Variants in CFDP1 observed in about 807,000 individuals in gnomAD.
CFDP1 encodes the protein chromatin remodeling protein CFDP1, also known as heterochromatin-stabilizing protein CFDP1.
CFDP1 carries 31 observed loss-of-function variants against 40.1 expected under a neutral mutation model. The ratio of observed to expected loss-of-function variants is 0.77; its 90% CI spans 0.58 to 1.04. The LOEUF is 1.04. Among genes scored for constraint, CFDP1 ranks in the 50% least tolerant of loss-of-function variants. CFDP1 has a pLI of 0.00. For synonymous variants in CFDP1, 167 were observed against 120.0 expected (o/e 1.39, Z -2.56); for missense variants, 423 against 343.4 (o/e 1.23, Z -1.83).
intron 1 of CFDP1, among the ~76,000 whole-genome samples, chr16:75,425,121 A>C (rs1250645305): frequency 6.6e-6 from 1 of 152,214 alleles, no homozygotes; most frequent in African/African-American, 2.4e-5. Context: ...CTAAAATATA[A>C]GATCGTTAAA....
intron 5 of CFDP1, among the ~76,000 whole-genome samples, chr16:75,337,198 G>C (rs867907985): frequency 7.5e-4 from 115 of 152,354 alleles, no homozygotes; most frequent in African/African-American, 2.6e-3. Flanking sequence ...CTGAAAGGGA[G>C]AAGACAGCAA....
At chr16:75,415,783 G>A (rs2079198550) in intron 1 of CFDP1, among the ~76,000 whole-genome samples, 1 of 152,194 alleles carries the variant, frequency 6.6e-6, no homozygotes, top group African/African-American at 2.4e-5. Flanking sequence ...TACTGCTGAT[G>A]CACAACTAGG....
chr16:75,396,996 C>T (rs1036086571), intron 4 of CFDP1, among the ~76,000 whole-genome samples: 1 of 152,072 alleles, frequency 6.6e-6, no homozygotes, highest in African/African-American at 2.4e-5. Context: ...TCACTGCAAC[C>T]TCTGCCTCCT....
intron 5 of CFDP1, among the ~76,000 whole-genome samples, chr16:75,317,142 C>A (rs1406192064): frequency 6.6e-6 from 1 of 152,188 alleles, no homozygotes; most frequent in African/African-American, 2.4e-5. Context: ...GAGGCCCTCG[C>A]CTAGATGAGT....
chr16:75,311,978 T>G (rs564811979), intron 5 of CFDP1, among the ~76,000 whole-genome samples: 1 of 152,274 alleles, frequency 6.6e-6, no homozygotes, highest in East Asian at 1.9e-4. Flanking sequence ...GGCCTGGAAC[T>G]CTCTGAGAAA....
rs2078249080 is a variant in CFDP1, at chr16:75,305,174, C to T, written c.659G>A (p.Arg220Lys). The change falls in exon 6 of 7, where the codon AGA (arginine) becomes AAA (lysine). Residue 220 changes from arginine (R) to lysine (K), a missense_variant. By Grantham distance (26) the Arg-to-Lys change is conservative. Transcript: ENST00000283882. ...PSLPAGSGLK[R>K]SSGMSSLLGK... ...CAAAAGGCTGCTCATGCCACTTGATCTTTTTAACCTAAGGAAAGAAAATAT... is the reference window on the plus strand; with the variant it reads ...CAAAAGGCTGCTCATGCCACTTGATTTTTTTAACCTAAGGAAAGAAAATAT... The T allele has an allele frequency of 1.2e-6, 2 of 1,613,588 alleles. No homozygotes were observed. The highest frequency in any genetic ancestry group is 1.7e-6 in the Non-Finnish European group (2 of 1,179,928).
intron 5 of CFDP1, among the ~76,000 whole-genome samples, chr16:75,393,061 C>T (rs2078965726): frequency 6.6e-6 from 1 of 152,248 alleles, no homozygotes; most frequent in South Asian, 2.1e-4. Flanking sequence ...CAGCATCTTA[C>T]AGCAAGCACG....
intron 5 of CFDP1, among the ~76,000 whole-genome samples, chr16:75,315,790 C>A (rs1386515182): frequency 6.6e-6 from 1 of 152,058 alleles, no homozygotes; most frequent in South Asian, 2.1e-4. Context: ...CAACATACAC[C>A]CAAGAAATTT....
chr16:75,384,886 ATATATATATATATT>A (rs1413438792), intron 5 of CFDP1, among the ~76,000 whole-genome samples: 4 of 78,224 alleles, frequency 5.1e-5, no homozygotes, highest in African/African-American at 1.7e-4. Flanking sequence ...ATATATATAT[ATATATATATATATT>A]GCAGACCAGT....
At chr16:75,297,315 C>T (rs960241197) in intron 6 of CFDP1, among the ~76,000 whole-genome samples, 42 of 152,102 alleles carry the variant, frequency 2.8e-4, no homozygotes, top group South Asian at 4.2e-4. Flanking sequence ...CCACTCTGCC[C>T]GGTCTTGCTT....
intron 5 of CFDP1, among the ~76,000 whole-genome samples, chr16:75,317,684 T>C (rs2078332724): frequency 6.6e-6 from 1 of 152,194 alleles, no homozygotes; most frequent in Non-Finnish European, 1.5e-5. Context: ...AATGACAACT[T>C]TATGCAGAAC....
At chr16:75,417,782 T>C (rs1040148515) in intron 1 of CFDP1, among the ~76,000 whole-genome samples, 8 of 151,944 alleles carry the variant, frequency 5.3e-5, no homozygotes, top group African/African-American at 1.9e-4. Flanking sequence ...AACAGTATTC[T>C]GACTATACAT....
intron 5 of CFDP1, among the ~76,000 whole-genome samples, chr16:75,333,678 G>A (rs1476129280): frequency 6.6e-6 from 1 of 152,138 alleles, no homozygotes; most frequent in South Asian, 2.1e-4. Context: ...CTGTTCTGCT[G>A]AGCCAACGGT....
At chr16:75,328,456 G>C (rs2151513647) in intron 5 of CFDP1, among the ~76,000 whole-genome samples, 1 of 149,660 alleles carries the variant, frequency 6.7e-6, no homozygotes, top group African/African-American at 2.4e-5. Flanking sequence ...AAAATAGCTG[G>C]GTGTGGTGGC....
chr16:75,311,541 C>A (rs550387226), intron 5 of CFDP1, among the ~76,000 whole-genome samples: 1 of 152,242 alleles, frequency 6.6e-6, no homozygotes, highest in South Asian at 2.1e-4. Flanking sequence ...AACTGACAGA[C>A]CAGTACCAAA....
chr16:75,371,494 C>T (rs1029029646), intron 5 of CFDP1, among the ~76,000 whole-genome samples: 3 of 152,160 alleles, frequency 2.0e-5, no homozygotes, highest in African/African-American at 4.8e-5. Flanking sequence ...CTTATATATT[C>T]AAATGTTTTT....
intron 5 of CFDP1, among the ~76,000 whole-genome samples, chr16:75,327,503 T>G (rs1485825720): frequency 6.6e-6 from 1 of 151,890 alleles, no homozygotes; most frequent in Non-Finnish European, 1.5e-5. Context: ...TAGAATACAG[T>G]AGAATAGTAT....
At chr16:75,304,493 G>A (rs1488326014) in intron 6 of CFDP1, among the ~76,000 whole-genome samples, 1 of 152,196 alleles carries the variant, frequency 6.6e-6, no homozygotes, top group African/African-American at 2.4e-5. Flanking sequence ...AAGAGAAAGA[G>A]GTGCAAGTGA....
intron 5 of CFDP1, among the ~76,000 whole-genome samples, chr16:75,359,584 A>C (rs1416212893): frequency 6.6e-6 from 1 of 152,176 alleles, no homozygotes; most frequent in Non-Finnish European, 1.5e-5. Context: ...CAAATCACTA[A>C]ACCAATCTTT....
Sources: gnomAD v4.1 joint callset for allele counts (sites outside exome capture counted in the v4.1 genomes callset) on GRCh38, gnomAD v4.1.1 for gene constraint, MANE v1.5 for transcripts, NCBI Gene and HGNC (gene_info 2026-07-23, HGNC 2026-07-21) for gene names.